Variants in SRCIN1 observed in about 807,000 individuals in gnomAD.
SRCIN1 encodes the protein P130Cas-associated protein.
A neutral mutation model predicts 116.2 loss-of-function variants in SRCIN1; 50 were observed. The ratio of observed to expected loss-of-function variants is 0.43; its 90% CI spans 0.34 to 0.54. SRCIN1 has a LOEUF of 0.54. Ranked by LOEUF, SRCIN1 falls within the 20% of genes least tolerant of loss-of-function variation. The pLI, the probability that SRCIN1 is intolerant of heterozygous loss-of-function variation, is 0.02. For missense variants in SRCIN1, 1,446 were observed against 1,672.0 expected (o/e 0.86, Z 2.36); for synonymous variants, 736 against 750.0 (o/e 0.98, Z 0.30).
chr17:38,539,461 T>C (rs1567849524), intron 18 of SRCIN1, among the ~76,000 whole-genome samples: 3 of 152,154 alleles, frequency 2.0e-5, no homozygotes. Context: ...GACTGGACTC[T>C]GGTTGGGTTT....
chr17:38,534,253 C>T (rs58078688), intron 18 of SRCIN1, among the ~76,000 whole-genome samples: 4,077 of 152,296 alleles, frequency 0.027, 191 homozygotes, highest in African/African-American at 0.09. Context: ...TTGAGAGCTA[C>T]GTGCATTACC....
chr17:38,596,578 C>T (rs1485356203), intron 1 of SRCIN1, among the ~76,000 whole-genome samples: 1 of 152,156 alleles, frequency 6.6e-6, no homozygotes, highest in Non-Finnish European at 1.5e-5. Context: ...CTGCCTCCTT[C>T]ATGCCAGGTT....
At position 38,568,261 on chromosome 17, in the gene SRCIN1, T is replaced by C. The variant is rs1215562650; in HGVS notation, c.325-30A>G. ...TGATGGAAATAAGAGAAGAGATGGT[T>C]ATGAGGGGGCCCAGGAGGGGAAAAG... is the stretch of plus-strand genomic sequence containing the variant. On this transcript the variant is annotated intron_variant, in intron 2 of 18. Coordinates refer to ENST00000617146, the MANE Select transcript of SRCIN1 (RefSeq NM_025248.3). This position sits in a 1 kb window ranked among gnomAD's most constrained non-coding sequence, Gnocchi z 4.5. The C allele has an allele frequency of 6.2e-7, 1 of 1,611,000 alleles. No homozygotes were observed. Among genetic ancestry groups the C allele is most frequent in the Non-Finnish European group, 8.5e-7 (1 of 1,178,710 alleles).
At chr17:38,595,689 T>A (rs1597936999) in intron 1 of SRCIN1, among the ~76,000 whole-genome samples, 2 of 148,252 alleles carry the variant, frequency 1.3e-5, no homozygotes, top group East Asian at 3.9e-4. Context: ...CCATAAGAGG[T>A]GCCCCTTGCT....
Position 38,562,322 on chromosome 17 carries a change from T to C in SRCIN1, c.841A>G (p.Met281Val). 5 of 1,469,518 alleles carry C rather than the reference T, an allele frequency of 3.4e-6. No individual in the cohort carries two copies. Among genetic ancestry groups the C allele is most frequent in the Non-Finnish European group, 4.5e-6 (5 of 1,119,362 alleles). 91.0% of individuals were successfully genotyped at this position (1,469,518 alleles called of 1,614,324 possible). Residue 281 changes from methionine (M) to valine (V), a missense_variant, in exon 7 of 19, where the codon ATG becomes GTG. Around this residue, in one of 5 missense-constraint regions of SRCIN1, gnomAD observed 239 missense variants for 317.7 expected, o/e 0.75. Coordinates refer to ENST00000617146, the MANE Select transcript of SRCIN1 (RefSeq NM_025248.3). The surrounding 1 kb of genome is among the most constrained non-coding windows in gnomAD (Gnocchi z 4.2). ...HLTNGDLRRE[M>V]VYASRESSPT... The stretch of plus-strand genomic sequence containing the variant: ...GAGGACTCCCGCGATGCGTACACCA[T>C]CTCTCTCTGCGCAGAAGACAGCCCG...
intron 18 of SRCIN1, among the ~76,000 whole-genome samples, 190 bp from the exon 19 acceptor site, chr17:38,533,621 G>A (rs1160712978): frequency 6.6e-6 from 1 of 150,518 alleles, no homozygotes; most frequent in Non-Finnish European, 1.5e-5. Context: ...GAAAAGGGGG[G>A]GGAGGGGGCA....
chr17:38,560,539 CA>C, intron 7 of SRCIN1, 114 bp from the exon 8 acceptor site: 2 of 867,682 alleles, frequency 2.3e-6, no homozygotes, highest in Non-Finnish European at 3.6e-6. Flanking sequence ...CCCTGGCTGC[CA>C]AAACACAGAC....
Position 38,548,812 on chromosome 17 carries a change from A to G in SRCIN1, c.3118-103T>C, listed in dbSNP as rs550072114. 3.1e-4 allele frequency: 435 copies of G among 1,416,878 alleles called. 3 individuals are homozygous for G. In the African/African-American group the frequency reaches 4.9e-3, roughly 16 times the overall value. The allele number at this position is 1,416,878 out of a possible 1,614,324, so 87.8% of individuals were successfully genotyped here. A position where few individuals can be genotyped will look rare whatever the true frequency, so the allele number is the denominator to read the frequency against. ...CATGTACCCCAGCTTCTCGTCTGCT[A>G]CTTCTGCTGCTACACCCCTGCCAGG... On this transcript the variant is annotated intron_variant, in intron 16 of 18. Transcript: ENST00000617146.
Position 38,559,783 on chromosome 17 carries a change from C to A in SRCIN1, c.1838-11G>T. On this transcript the variant is annotated splice_polypyrimidine_tract_variant and intron_variant, in intron 9 of 18. Coordinates refer to ENST00000617146, the MANE Select transcript of SRCIN1 (RefSeq NM_025248.3). ...CGCCTGACCCACAGGCTGCAGAGGACCACGAGGATGGGAGAAAGTGAACAA... is the reference window on the plus strand; with the variant it reads ...CGCCTGACCCACAGGCTGCAGAGGAACACGAGGATGGGAGAAAGTGAACAA... 6.7e-7 allele frequency: 1 copy of A among 1,491,588 alleles called. No individual in the cohort carries two copies. The highest frequency in any genetic ancestry group is 8.9e-7 in the Non-Finnish European group (1 of 1,127,866). 92.4% of individuals were successfully genotyped at this position (1,491,588 alleles called of 1,614,324 possible).
At chr17:38,542,260 G>A (rs1340833872) in intron 18 of SRCIN1, 1 of 154,162 alleles carries the variant, frequency 6.5e-6, no homozygotes, top group Non-Finnish European at 1.4e-5. Context: ...TTAGAGCTGA[G>A]GGAAGGGGCT....
rs1905213509 is a variant in SRCIN1, at chr17:38,548,721, G to A, written c.3118-12C>T. 5.7e-6 allele frequency: 9 copies of A among 1,578,658 alleles called. No individual in the cohort carries two copies. Among genetic ancestry groups the A allele is most frequent in the Non-Finnish European group, 6.9e-6 (8 of 1,165,242 alleles). The stretch of plus-strand genomic sequence containing the variant: ...TCGGACTCAGCCTTCTGCAAGGCCC[G>A]GGACTCCTGTCAAGGCCAGGCTCTG... On this transcript the variant is annotated splice_polypyrimidine_tract_variant and intron_variant, in intron 16 of 18. Transcript: ENST00000617146.
At chr17:38,574,541 T>C (rs1907286269) in intron 2 of SRCIN1, among the ~76,000 whole-genome samples, 1 of 151,924 alleles carries the variant, frequency 6.6e-6, no homozygotes, top group Non-Finnish European at 1.5e-5. Flanking sequence ...TAGTCCTCAG[T>C]GGGAGGAGGG....
Position 38,572,788 on chromosome 17 carries a change from GGCC to G in SRCIN1, c.325-4560_325-4558del. ...CTCCCCCGGCCGCCTCCGCAGCCGCGGCCGCCGCCGCCGGTGCCCTTTGCTGCA... is the reference window on the plus strand; with the variant it reads ...CTCCCCCGGCCGCCTCCGCAGCCGCGGCCGCCGCCGGTGCCCTTTGCTGCA... On this transcript the variant is annotated intron_variant, in intron 2 of 18. Transcript: ENST00000617146. This position sits in a 1 kb window ranked among gnomAD's most constrained non-coding sequence, Gnocchi z 4.3. 6.6e-6 allele frequency: 1 copy of G among 152,606 alleles called. No individual in the cohort carries two copies. Among genetic ancestry groups the G allele is most frequent in the Non-Finnish European group, 1.5e-5 (1 of 67,848 alleles). 9.5% of individuals were successfully genotyped at this position (152,606 alleles called of 1,614,324 possible).
intron 1 of SRCIN1, among the ~76,000 whole-genome samples, chr17:38,589,364 G>A (rs1726340208): frequency 6.6e-6 from 1 of 152,242 alleles, no homozygotes; most frequent in South Asian, 2.1e-4. Context: ...AGCTCATGCA[G>A]GGCATCTGGG....
intron 14 of SRCIN1, 182 bp downstream of exon 14, chr17:38,551,704 G>A (rs776808296): frequency 1.7e-5 from 15 of 898,970 alleles, no homozygotes; most frequent in Admixed American, 1.2e-4. Context: ...TTTATAATAC[G>A]CTTTCTGTCT....
At chr17:38,545,392 G>A (rs1267256086) in intron 17 of SRCIN1, 1 of 152,704 alleles carries the variant, frequency 6.5e-6, no homozygotes, top group East Asian at 1.9e-4. Flanking sequence ...TGGCGGGGAG[G>A]GAGGGTTGGG....
chr17:38,584,032 G>A (rs1324749388), intron 1 of SRCIN1, among the ~76,000 whole-genome samples: 6 of 152,170 alleles, frequency 3.9e-5, no homozygotes, highest in Non-Finnish European at 5.9e-5. Flanking sequence ...TCTAGCAAGC[G>A]GATCCAGGCA....
In SRCIN1 at chr17:38,562,765, C is replaced by A. The variant is rs1906360321; in HGVS notation, c.834+62G>T. On this transcript the variant is annotated intron_variant, in intron 6 of 18. Transcript: ENST00000617146. The surrounding 1 kb of genome is among the most constrained non-coding windows in gnomAD (Gnocchi z 4.2). ...TGGTTCCAGATGACAACTGCCCAGACCCTGCTCCCCTGGACCCCATGTGCC... is the reference window on the plus strand; with the variant it reads ...TGGTTCCAGATGACAACTGCCCAGAACCTGCTCCCCTGGACCCCATGTGCC... 1.4e-6 allele frequency: 2 copies of A among 1,459,910 alleles called. No homozygotes were observed. The highest frequency in any genetic ancestry group is 1.9e-6 in the Non-Finnish European group (2 of 1,054,428). 90.4% of individuals were successfully genotyped at this position (1,459,910 alleles called of 1,614,324 possible).
chr17:38,562,296 C>G lies in SRCIN1; in HGVS notation c.867G>C (p.Ser289=), dbSNP rs1906324808. ...REMVYASRES[S]PTRRLNNLSP... ...ACAGGTTGTTGAGGCGCCGCGTGGG[C>G]GAGGACTCCCGCGATGCGTACACCA... is the stretch of plus-strand genomic sequence containing the variant. Residue 289 remains serine (S), a synonymous_variant, in exon 7 of 19, where the codon TCG becomes TCC. Coordinates refer to ENST00000617146, the MANE Select transcript of SRCIN1 (RefSeq NM_025248.3). This position sits in a 1 kb window ranked among gnomAD's most constrained non-coding sequence, Gnocchi z 4.2. 6.8e-7 allele frequency: 1 copy of G among 1,478,090 alleles called. No homozygotes were observed. The highest frequency in any genetic ancestry group is 1.5e-5 in the African/African-American group (1 of 67,788). The allele number at this position is 1,478,090 out of a possible 1,614,324, so 91.6% of individuals were successfully genotyped here.
Sources: gnomAD v4.1 joint callset for allele counts (sites outside exome capture counted in the v4.1 genomes callset) on GRCh38, gnomAD v4.1.1 for gene constraint, gnomAD v4.1.1 regional missense constraint, Gnocchi (gnomAD v3.1) non-coding constraint, MANE v1.5 for transcripts, NCBI Gene and HGNC (gene_info 2026-07-23, HGNC 2026-07-21) for gene names.